SLC1A2: variants seen among roughly 807,000 people sequenced by gnomAD.
SLC1A2 encodes solute carrier family 1 member 2.
Under a neutral mutation model 48.8 loss-of-function variants are expected in SLC1A2, and 15 were observed. The observed-to-expected ratio is 0.31, with a 90% CI of 0.21 to 0.47. The LOEUF is 0.47. Among genes scored for constraint, SLC1A2 ranks in the 20% least tolerant of loss-of-function variants. The probability of loss-of-function intolerance (pLI) is 0.99; values close to 1 mark genes in which losing one functional copy is unlikely to be tolerated. For synonymous variants in SLC1A2, 279 were observed against 272.6 expected, an observed-to-expected ratio of 1.02 and a Z score of -0.23; for missense variants, 502 against 730.5, an observed-to-expected ratio of 0.69 and a Z score of 3.61.
chr11:35,271,758 G>T (rs1038090781), intron 9 of SLC1A2, among the ~76,000 whole-genome samples: 1 of 152,130 alleles, frequency 6.6e-6, no homozygotes, highest in African/African-American at 2.4e-5. Flanking sequence ...TGGGAGAATC[G>T]CTTGGGCCTG....
intron 4 of SLC1A2, among the ~76,000 whole-genome samples, chr11:35,306,446 T>C (rs1028641684): frequency 6.6e-6 from 1 of 152,240 alleles, no homozygotes; most frequent in Non-Finnish European, 1.5e-5. Flanking sequence ...TGAGATACAA[T>C]TGTCCTAATC....
At chr11:35,357,751 C>T (rs1431359590) in intron 1 of SLC1A2, among the ~76,000 whole-genome samples, 1 of 151,966 alleles carries the variant, frequency 6.6e-6, no homozygotes, top group Non-Finnish European at 1.5e-5. Context: ...ATTGTCCACA[C>T]AATATAAGAG....
intron 1 of SLC1A2, among the ~76,000 whole-genome samples, chr11:35,337,327 G>A (rs538299814): frequency 6.6e-6 from 1 of 152,280 alleles, no homozygotes; most frequent in East Asian, 1.9e-4. Flanking sequence ...TAGTGACAAA[G>A]AGGGTAGTCA....
chr11:35,311,440 A>G (rs570680231), intron 4 of SLC1A2, among the ~76,000 whole-genome samples: 152 of 152,310 alleles, frequency 1.0e-3, no homozygotes, highest in African/African-American at 3.3e-3. Flanking sequence ...GATTATAGGC[A>G]TGAGCCACCA....
chr11:35,298,755 G>C (rs2901536), intron 6 of SLC1A2: 1 of 152,142 alleles, frequency 6.6e-6, no homozygotes, highest in African/African-American at 2.4e-5. Context: ...CATCTCTGGG[G>C]AGAAGGGAGG....
chr11:35,412,117 C>G (rs1208504518), intron 1 of SLC1A2, among the ~76,000 whole-genome samples: 2 of 149,086 alleles, frequency 1.3e-5, no homozygotes, highest in Non-Finnish European at 3.0e-5. Context: ...GGATTAATTG[C>G]AAAATATGGA....
chr11:35,335,031 C>A (rs1326344476), intron 1 of SLC1A2, among the ~76,000 whole-genome samples: 1 of 152,074 alleles, frequency 6.6e-6, no homozygotes, highest in Non-Finnish European at 1.5e-5. Flanking sequence ...CAAACCCAAC[C>A]CCTTTTCATT....
At chr11:35,281,175 G>A (rs899868552) in intron 8 of SLC1A2, among the ~76,000 whole-genome samples, 174 bp from the exon 9 acceptor site, 1 of 152,100 alleles carries the variant, frequency 6.6e-6, no homozygotes, top group Admixed American at 6.5e-5. Context: ...AGGAATTAAG[G>A]ATTAAGGCCT....
chr11:35,293,996 T>C (rs1244432177), intron 6 of SLC1A2, among the ~76,000 whole-genome samples: 2 of 152,190 alleles, frequency 1.3e-5, no homozygotes, highest in Non-Finnish European at 2.9e-5. Flanking sequence ...AGCATGCATA[T>C]ATGTGTGCTG....
chr11:35,331,214 A>G (rs1317589551), intron 1 of SLC1A2, among the ~76,000 whole-genome samples: 1 of 152,208 alleles, frequency 6.6e-6, no homozygotes, highest in East Asian at 1.9e-4. Context: ...AGAGAAATGC[A>G]GACCAAAGTA....
chr11:35,279,210 C>G (rs990141670), intron 9 of SLC1A2, among the ~76,000 whole-genome samples: 1 of 152,200 alleles, frequency 6.6e-6, no homozygotes, highest in African/African-American at 2.4e-5. Context: ...TCATTTAACT[C>G]CAGTGCTGGA....
chr11:35,369,993 G>C (rs988591512), intron 1 of SLC1A2, among the ~76,000 whole-genome samples: 4 of 152,212 alleles, frequency 2.6e-5, no homozygotes, highest in South Asian at 2.1e-4. Context: ...TTGGGTGGGG[G>C]TGAAGAGGGA....
chr11:35,312,813 G>GT (rs57075504), intron 3 of SLC1A2, among the ~76,000 whole-genome samples: 29,730 of 151,934 alleles, frequency 0.2, 3,443 homozygotes, highest in Admixed American at 0.27. Context: ...TTTTTTATTA[G>GT]TTTTTTTTCT....
chr11:35,317,635 A>T (rs1851927299), intron 1 of SLC1A2, 119 bp from the exon 2 acceptor site: 8 of 1,250,566 alleles, frequency 6.4e-6, no homozygotes, highest in Non-Finnish European at 8.9e-6. Flanking sequence ...TCTGCAGGAA[A>T]ATAAAAGTAA....
At chr11:35,414,424 G>C (rs1488087155) in intron 1 of SLC1A2, among the ~76,000 whole-genome samples, 3 of 152,114 alleles carry the variant, frequency 2.0e-5, no homozygotes, top group African/African-American at 7.2e-5. Flanking sequence ...TGGCCCATCT[G>C]CCTCCAGTCA....
chr11:35,344,393 G>GC (rs1241887360), intron 1 of SLC1A2, among the ~76,000 whole-genome samples: 1 of 152,200 alleles, frequency 6.6e-6, no homozygotes, highest in African/African-American at 2.4e-5. Flanking sequence ...AGAAGGAACA[G>GC]CAAGTGCAAA....
At chr11:35,396,952 C>T (rs1445120881) in intron 1 of SLC1A2, among the ~76,000 whole-genome samples, 1 of 150,822 alleles carries the variant, frequency 6.6e-6, no homozygotes, top group Non-Finnish European at 1.5e-5. Flanking sequence ...AATAAAATAC[C>T]TAGGAATCCA....
intron 1 of SLC1A2, among the ~76,000 whole-genome samples, chr11:35,382,972 C>G (rs1455860136): frequency 6.6e-6 from 1 of 152,098 alleles, no homozygotes; most frequent in Non-Finnish European, 1.5e-5. Context: ...AAGTTAAAAG[C>G]CTACACCATC....
intron 1 of SLC1A2, among the ~76,000 whole-genome samples, chr11:35,417,587 A>G (rs1484885144): frequency 1.3e-5 from 2 of 152,254 alleles, no homozygotes; most frequent in African/African-American, 4.8e-5. Flanking sequence ...TTTTAGCACA[A>G]GGTACCACCC....
Sources: gnomAD v4.1 joint callset for allele counts (sites outside exome capture counted in the v4.1 genomes callset) on GRCh38, gnomAD v4.1.1 for gene constraint, MANE v1.5 for transcripts, NCBI Gene and HGNC (gene_info 2026-07-23, HGNC 2026-07-21) for gene names.